The following RANBP2 variants were observed in gnomAD, a reference collection of about 807,000 sequenced individuals.
The protein encoded by RANBP2 is RAN binding protein 2, also known as E3 SUMO-protein ligase RanBP2.
A neutral mutation model predicts 303.6 loss-of-function variants in RANBP2; 57 were observed. The ratio of observed to expected loss-of-function variants is 0.19; its 90% CI spans 0.15 to 0.23. The LOEUF (loss-of-function observed/expected upper bound fraction) is 0.23. Ranked by LOEUF, RANBP2 falls within the 10% of genes least tolerant of loss-of-function variation. The pLI, the probability that RANBP2 is intolerant of heterozygous loss-of-function variation, is 1.00. For synonymous variants in RANBP2, 1,167 were observed against 1,301.5 expected, an observed-to-expected ratio of 0.90 and a Z score of 2.23; for missense variants, 3,138 against 3,780.8, an observed-to-expected ratio of 0.83 and a Z score of 4.46.
At chr2:108,823,226 C>T in the RANBP2 span, among the ~76,000 whole-genome samples, 1 of 152,188 alleles carries the variant, frequency 6.6e-6, no homozygotes, top group Non-Finnish European at 1.5e-5. Flanking sequence ...GAAGAATTAA[C>T]ACCCATCCTC....
At chr2:109,495,801 A>G in the RANBP2 span, among the ~76,000 whole-genome samples, 2 of 152,056 alleles carry the variant, frequency 1.3e-5, no homozygotes. Context: ...CCCTTTCTTC[A>G]TTTTTATAGT....
the RANBP2 span, among the ~76,000 whole-genome samples, chr2:108,837,592 G>A: frequency 6.6e-6 from 1 of 152,206 alleles, no homozygotes. Context: ...TATTGTAGCA[G>A]AACACATTAC....
the RANBP2 span, among the ~76,000 whole-genome samples, chr2:108,829,021 G>C: frequency 6.6e-6 from 1 of 152,096 alleles, no homozygotes. Flanking sequence ...AGGCTTAAAT[G>C]TAAGAATTAA....
intron 7 of RANBP2, among the ~76,000 whole-genome samples, chr2:108,743,879 A>G: frequency 6.6e-6 from 1 of 152,266 alleles, no homozygotes; most frequent in Non-Finnish European, 1.5e-5. Flanking sequence ...AATATATAAT[A>G]GAAACATCTT....
chr2:109,006,345 C>G, the RANBP2 span, among the ~76,000 whole-genome samples: 4 of 152,068 alleles, frequency 2.6e-5, no homozygotes, highest in Admixed American at 2.6e-4. Flanking sequence ...AGGCGCTTGC[C>G]AACACGCTTG....
chr2:109,397,858 C>G, the RANBP2 span, among the ~76,000 whole-genome samples: 1 of 152,250 alleles, frequency 6.6e-6, no homozygotes, highest in Non-Finnish European at 1.5e-5. Context: ...TAACCACCAC[C>G]CAGGATCAGA....
chr2:109,339,998 G>T, the RANBP2 span, among the ~76,000 whole-genome samples: 1 of 152,146 alleles, frequency 6.6e-6, no homozygotes, highest in African/African-American at 2.4e-5. Context: ...TGAGGAATTT[G>T]CCCACCTTGC....
the RANBP2 span, among the ~76,000 whole-genome samples, chr2:109,067,931 C>T: frequency 4.6e-5 from 7 of 152,338 alleles, no homozygotes; most frequent in South Asian, 1.2e-3. Context: ...GGCTCCAGCT[C>T]CAGCTGCTGG....
chr2:108,965,939 G>A, the RANBP2 span, among the ~76,000 whole-genome samples: 80 of 152,056 alleles, frequency 5.3e-4, 1 homozygote, highest in African/African-American at 1.9e-3. Context: ...TACTATCAAC[G>A]TCAAATCAGT....
At chr2:108,993,710 G>T in the RANBP2 span, among the ~76,000 whole-genome samples, 1 of 152,292 alleles carries the variant, frequency 6.6e-6, no homozygotes, top group Non-Finnish European at 1.5e-5. Flanking sequence ...TGGAGAATGA[G>T]ATTCTGCATT....
chr2:109,105,463 C>T, the RANBP2 span, among the ~76,000 whole-genome samples: 1 of 152,182 alleles, frequency 6.6e-6, no homozygotes, highest in African/African-American at 2.4e-5. Flanking sequence ...AGTTGAGGGC[C>T]GAACAGCACA....
the RANBP2 span, among the ~76,000 whole-genome samples, chr2:109,140,702 A>T: frequency 6.6e-6 from 1 of 152,158 alleles, no homozygotes; most frequent in Non-Finnish European, 1.5e-5. Flanking sequence ...TTTTAGATTT[A>T]TGGGAAATAG....
downstream of RANBP2, chr2:108,786,759 C>T (rs1678820711): frequency 4.8e-6 from 7 of 1,454,128 alleles, no homozygotes; most frequent in Non-Finnish European, 3.8e-6. Flanking sequence ...CGCACTGCGG[C>T]CGCGTAGCGC....
chr2:109,423,727 C>G, the RANBP2 span, among the ~76,000 whole-genome samples: 1 of 152,214 alleles, frequency 6.6e-6, no homozygotes, highest in African/African-American at 2.4e-5. Flanking sequence ...TGTGGTCAGC[C>G]TGGCCCCATG....
At chr2:109,614,189 C>T in the RANBP2 span, 2 of 1,139,950 alleles carry the variant, frequency 1.8e-6, no homozygotes, top group Non-Finnish European at 1.1e-6. Flanking sequence ...GATTGCGGCC[C>T]TCGCGAGGCC....
the RANBP2 span, among the ~76,000 whole-genome samples, chr2:108,797,388 A>G: frequency 3.9e-5 from 6 of 152,222 alleles, no homozygotes; most frequent in African/African-American, 1.4e-4. Flanking sequence ...AATCAATAAA[A>G]TAAGGACTGA....
At chr2:108,794,743 G>A in the RANBP2 span, 109 of 1,509,876 alleles carry the variant, frequency 7.2e-5, no homozygotes, top group Middle Eastern at 1.7e-4. Flanking sequence ...ATACTGAATC[G>A]AGAATTCAGA....
the RANBP2 span, among the ~76,000 whole-genome samples, chr2:109,367,813 C>T: frequency 1.3e-5 from 2 of 152,094 alleles, no homozygotes; most frequent in African/African-American, 4.8e-5. Flanking sequence ...AATAGAGTTC[C>T]TAGGAGTGGC....
At chr2:109,408,284 A>G in the RANBP2 span, among the ~76,000 whole-genome samples, 1 of 152,142 alleles carries the variant, frequency 6.6e-6, no homozygotes, top group African/African-American at 2.4e-5. Context: ...GCAGGAGGAA[A>G]CCAGGCCACT....
Sources: gnomAD v4.1 joint callset for allele counts (sites outside exome capture counted in the v4.1 genomes callset) on GRCh38, gnomAD v4.1.1 for gene constraint, MANE v1.5 for transcripts, NCBI Gene and HGNC (gene_info 2026-07-23, HGNC 2026-07-21) for gene names.